Variants in RSRC2 observed in about 807,000 individuals in gnomAD.
RSRC2 encodes the protein arginine/serine-rich coiled-coil protein 2.
A neutral mutation model predicts 61.3 loss-of-function variants in RSRC2; 5 were observed. That is an observed-to-expected ratio of 0.08 (90% CI 0.04 to 0.17). The LOEUF (loss-of-function observed/expected upper bound fraction) is 0.17. Ranked by LOEUF, RSRC2 falls within the 10% of genes least tolerant of loss-of-function variation. RSRC2 has a pLI of 1.00. For synonymous variants in RSRC2, 202 were observed against 166.5 expected, an observed-to-expected ratio of 1.21 and a Z score of -1.64; for missense variants, 381 against 518.8, an observed-to-expected ratio of 0.73 and a Z score of 2.58.
In RSRC2 at chr12:122,517,345, T is replaced by C; in HGVS notation, c.484A>G (p.Arg162Gly). ...RKKSRSRSRE[R>G]KKSRSRSRER... Reference sequence around the variant, plus strand: ...CTGCTTCTGGATCTCGATTTCTTCCTCTCTCTGCTTCTGGATCTCGATTTC... The same window carrying C: ...CTGCTTCTGGATCTCGATTTCTTCCCCTCTCTGCTTCTGGATCTCGATTTC... Residue 162 changes from arginine to glycine, a missense_variant, in exon 5 of 10, where the codon AGG (arginine) becomes GGG (glycine). Arg to Gly is a moderately radical substitution (Grantham distance 125). Transcript: ENST00000331738. The C allele has an allele frequency of 1.2e-6, 2 of 1,613,894 alleles. No individual in the cohort carries two copies. Among genetic ancestry groups the C allele is most frequent in the Non-Finnish European group, 1.7e-6 (2 of 1,179,786 alleles).
Position 122,522,279 on chromosome 12 carries a change from A to G in RSRC2, c.27T>C (p.Asp9=). The G allele has an allele frequency of 1.2e-6, 2 of 1,609,554 alleles. No homozygotes were observed. Among genetic ancestry groups the G allele is most frequent in the Non-Finnish European group, 1.7e-6 (2 of 1,178,532 alleles). MAASDTER[D]GLAPEKTSPD... ...GTGATGTCTTTTCTGGGGCTAGTCC[A>G]TCTCGCTCTGTATCACTAGCCTAAA... Residue 9 remains aspartate, a synonymous_variant, in exon 2 of 10, where the codon GAT becomes GAC. Transcript: ENST00000331738.
At chr12:122,524,678 G>A (rs1959794416) in intron 1 of RSRC2, among the ~76,000 whole-genome samples, 1 of 152,080 alleles carries the variant, frequency 6.6e-6, no homozygotes, top group Non-Finnish European at 1.5e-5. Flanking sequence ...TAAACAAATA[G>A]GAATGATAGG....
chr12:122,514,510 C>T (rs981860192), intron 6 of RSRC2: 57 of 769,716 alleles, frequency 7.4e-5, no homozygotes, highest in Non-Finnish European at 3.2e-5. Flanking sequence ...AAGTGATCCG[C>T]CCGCCTCGGC....
At chr12:122,507,254 C>T (rs1958170209) in intron 8 of RSRC2, 6 of 325,862 alleles carry the variant, frequency 1.8e-5, no homozygotes, top group South Asian at 1.6e-4. Flanking sequence ...TGGTGGGCAC[C>T]TGTAGACCCA....
At chr12:122,516,580 G>A (rs1220638645) in intron 5 of RSRC2, among the ~76,000 whole-genome samples, 1 of 152,208 alleles carries the variant, frequency 6.6e-6, no homozygotes, top group Non-Finnish European at 1.5e-5. Context: ...CTGAGAACTA[G>A]ATGAGCTAAT....
chr12:122,526,897 T>C lies in RSRC2; in HGVS notation c.-44A>G. The C allele has an allele frequency of 1.2e-6, 2 of 1,612,920 alleles. No individual in the cohort carries two copies. Among genetic ancestry groups the C allele is most frequent in the Non-Finnish European group, 1.7e-6 (2 of 1,178,872 alleles). On this transcript the variant is annotated 5_prime_UTR_variant, in exon 1 of 10. Transcript: ENST00000331738. ...CTAGAGCGGCGCCTCCACTTGTCGCTTTCAACAGTACCGGCCGCTCCGAAG... is the reference window on the plus strand; with the variant it reads ...CTAGAGCGGCGCCTCCACTTGTCGCCTTCAACAGTACCGGCCGCTCCGAAG...
At chr12:122,520,552 T>C in intron 3 of RSRC2, 1 of 1,367,712 alleles carries the variant, frequency 7.3e-7, no homozygotes, top group Non-Finnish European at 9.8e-7. Context: ...CTGCAGCGTC[T>C]TCAGTTCAGT....
At chr12:122,510,063 C>A (rs1958382718) in intron 7 of RSRC2, among the ~76,000 whole-genome samples, 1 of 152,136 alleles carries the variant, frequency 6.6e-6, no homozygotes, top group Non-Finnish European at 1.5e-5. Context: ...CTCAGGTGAC[C>A]CACCTGCCTT....
intron 6 of RSRC2, 138 bp from the exon 7 acceptor site, chr12:122,511,326 T>A: frequency 3.6e-6 from 2 of 552,204 alleles, no homozygotes; most frequent in Admixed American, 3.5e-5. Flanking sequence ...CCGATAGCCG[T>A]ATGTGAAGAA....
Position 122,526,836 on chromosome 12 carries a change from T to A in RSRC2, c.6+12A>T, listed in dbSNP as rs1960613120. On this transcript the variant is annotated intron_variant, in intron 1 of 9. Transcript: ENST00000331738. ...AAATATCCCTGGCTTTAAACTCAGA[T>A]TCGGTACCTACCGCCATAGTTCAGA... 1.2e-6 allele frequency: 2 copies of A among 1,614,070 alleles called. No individual in the cohort carries two copies. Among genetic ancestry groups the A allele is most frequent in the Non-Finnish European group, 1.7e-6 (2 of 1,179,998 alleles).
intron 6 of RSRC2, among the ~76,000 whole-genome samples, chr12:122,514,144 C>T (rs1555213806): frequency 2.0e-5 from 3 of 151,994 alleles, no homozygotes; most frequent in Non-Finnish European, 4.4e-5. Context: ...TTACTTTTTG[C>T]CTCTCTATGA....
rs529676474 is a variant in RSRC2 at position 122,523,631 on chromosome 12, T to C, written c.7-1332A>G. On this transcript the variant is annotated intron_variant, in intron 1 of 9. Transcript: ENST00000331738. ...GATTGAATAAATAGGGAATCGATAG[T>C]CTTCAGCAGGAGGAATCACATTAGA... 1.1e-4 allele frequency: 17 copies of C among 152,328 alleles called. No individual in the cohort carries two copies. The South Asian group carries it at 3.1e-3, about 28-fold the overall frequency. 9.4% of individuals were successfully genotyped at this position (152,328 alleles called of 1,614,324 possible).
chr12:122,508,588 T>G (rs138658427), intron 7 of RSRC2, 141 bp from the exon 8 acceptor site: 7 of 653,228 alleles, frequency 1.1e-5, no homozygotes, highest in Admixed American at 8.7e-5. Context: ...AATGACTGAG[T>G]ATTAGCTCAC....
chr12:122,526,310 C>T (rs1960379210), intron 1 of RSRC2: 2 of 153,042 alleles, frequency 1.3e-5, no homozygotes, highest in South Asian at 1.8e-4. Context: ...CGTTAATACA[C>T]AATAATAAGG....
intron 9 of RSRC2, chr12:122,506,249 A>G (rs182660382): frequency 2.0e-5 from 3 of 152,432 alleles, no homozygotes; most frequent in Non-Finnish European, 2.9e-5. Context: ...ACAAACAAAA[A>G]TATACTTTTG....
chr12:122,524,558 C>T (rs1959771123), intron 1 of RSRC2, among the ~76,000 whole-genome samples: 1 of 152,188 alleles, frequency 6.6e-6, no homozygotes, highest in South Asian at 2.1e-4. Context: ...CATCACAAAG[C>T]TGGACAACAG....
At chr12:122,518,629 G>A (rs1959102106) in intron 4 of RSRC2, among the ~76,000 whole-genome samples, 1 of 150,336 alleles carries the variant, frequency 6.7e-6, no homozygotes, top group Non-Finnish European at 1.5e-5. Context: ...AGGCACTTGA[G>A]ATTTAGTCAT....
Position 122,515,121 on chromosome 12 carries a change from C to T in RSRC2, c.709G>A (p.Glu237Lys). Residue 237 changes from glutamate to lysine, a missense_variant, in exon 6 of 10, where the codon GAA (glutamate) becomes AAA (lysine). Coordinates refer to ENST00000331738, the MANE Select transcript of RSRC2 (RefSeq NM_023012.6). ...TATACACACCTTCTAGCTAAAGCTT[C>T]CTGTGCATCCATTGCTGTGTTTCTG... ...RGRNTAMDAQ[E>K]ALARRLERAK... 6.2e-7 allele frequency: 1 copy of T among 1,613,944 alleles called. No homozygotes were observed. The highest frequency in any genetic ancestry group is 8.5e-7 in the Non-Finnish European group (1 of 1,179,962).
At position 122,505,794 on chromosome 12, in the gene RSRC2, T is replaced by C. The variant is rs149989190; in HGVS notation, c.1126-88A>G. 1.2e-3 allele frequency: 1,474 copies of C among 1,182,526 alleles called. 21 individuals are homozygous for C. The East Asian group carries it at 0.029, about 23-fold the overall frequency. 73.3% of individuals were successfully genotyped at this position (1,182,526 alleles called of 1,614,324 possible). A position where few individuals can be genotyped will look rare whatever the true frequency, so the allele number is the denominator to read the frequency against. On this transcript the variant is annotated intron_variant, in intron 9 of 9. Coordinates refer to ENST00000331738, the MANE Select transcript of RSRC2 (RefSeq NM_023012.6). The stretch of plus-strand genomic sequence containing the variant: ...CACTATTTTTTATGTATTTTTTTTT[T>C]TTGAGATGGAGTCTTGCTCTGTTGT...
Sources: allele counts gnomAD v4.1 joint callset (sites outside exome capture counted in the v4.1 genomes callset), GRCh38; gene constraint gnomAD v4.1.1; transcripts MANE v1.5; gene names NCBI Gene and HGNC (gene_info 2026-07-23, HGNC 2026-07-21).